Variants in CRABP2 observed in about 807,000 individuals in gnomAD.
The protein encoded by CRABP2 is cellular retinoic acid-binding protein 2.
A neutral mutation model predicts 17.9 loss-of-function variants in CRABP2; 20 were observed. That is an observed-to-expected ratio of 1.12 (90% CI 0.79 to 1.63). The LOEUF (loss-of-function observed/expected upper bound fraction) is 1.63. Among genes scored for constraint, CRABP2 ranks in the 40% most tolerant of loss-of-function variants. The pLI is 0.00. For synonymous variants in CRABP2, 76 were observed against 66.4 expected, an observed-to-expected ratio of 1.14 and a Z score of -0.70; for missense variants, 151 against 168.6, an observed-to-expected ratio of 0.90 and a Z score of 0.58.
chr1:156,702,579 C>T (rs1049971786), intron 1 of CRABP2, among the ~76,000 whole-genome samples: 3 of 151,098 alleles, frequency 2.0e-5, no homozygotes, highest in Admixed American at 1.3e-4. Context: ...TTGAGACCAG[C>T]CTGACCAACG....
rs540497771 is a variant in CRABP2, at chr1:156,701,925, G to A, written c.71-873C>T. On this transcript the variant is annotated intron_variant, in intron 1 of 3. Transcript: ENST00000368222. ...AGGCCAAGGCAGGTGGATTGTTTGA[G>A]CTCAGGAGTTCGATACCAGCCTGGG... is the stretch of plus-strand genomic sequence containing the variant. 1.1e-4 allele frequency among the ~76,000 whole-genome samples: 17 copies of A among 151,698 alleles called. No homozygotes were observed. In the East Asian group the frequency reaches 3.1e-3, roughly 28 times the overall value.
At chr1:156,700,699 G>C in intron 2 of CRABP2, 41 bp from the exon 3 acceptor site, 5 of 1,577,704 alleles carry the variant, frequency 3.2e-6, no homozygotes, top group Non-Finnish European at 4.4e-6. Flanking sequence ...GCCCATAGCA[G>C]GGGCAATGCA....
Position 156,705,284 on chromosome 1 carries a change from C to A in CRABP2, c.70+93G>T, listed in dbSNP as rs565545693. On this transcript the variant is annotated intron_variant, in intron 1 of 3. Transcript: ENST00000368222. This position sits in a 1 kb window ranked among gnomAD's most constrained non-coding sequence, Gnocchi z 5.2. ...GGATGCAGGCACCCAGTGTCTCACG[C>A]CCTGATTGTGGTCCCGCTGTCTTTC... 15 of 1,396,086 alleles carry A rather than the reference C, an allele frequency of 1.1e-5. No homozygotes were observed. Among genetic ancestry groups the A allele is most frequent in the Non-Finnish European group, 1.5e-5 (15 of 983,180 alleles). The allele number at this position is 1,396,086 out of a possible 1,614,324, so 86.5% of individuals were successfully genotyped here. A position where few individuals can be genotyped will look rare whatever the true frequency, so the allele number is the denominator to read the frequency against.
At chr1:156,702,477 A>G (rs2102604850) in intron 1 of CRABP2, among the ~76,000 whole-genome samples, 1 of 151,160 alleles carries the variant, frequency 6.6e-6, no homozygotes, top group Non-Finnish European at 1.5e-5. Flanking sequence ...AAAAACAAAC[A>G]AACAAACAAA....
At chr1:156,702,456 CA>C (rs1458900769) in intron 1 of CRABP2, among the ~76,000 whole-genome samples, 4 of 146,130 alleles carry the variant, frequency 2.7e-5, no homozygotes, top group South Asian at 4.6e-4. Flanking sequence ...GACTCCATCT[CA>C]AAAAAAACAA....
chr1:156,705,283 G>T lies in CRABP2; in HGVS notation c.70+94C>A. The T allele has an allele frequency of 7.3e-7, 1 of 1,377,908 alleles. No homozygotes were observed. The highest frequency in any genetic ancestry group is 1.0e-6 in the Non-Finnish European group (1 of 967,060). The allele number at this position is 1,377,908 out of a possible 1,614,324, so 85.4% of individuals were successfully genotyped here. On this transcript the variant is annotated intron_variant, in intron 1 of 3. Transcript: ENST00000368222. This position sits in a 1 kb window ranked among gnomAD's most constrained non-coding sequence, Gnocchi z 5.2. ...GGGATGCAGGCACCCAGTGTCTCAC[G>T]CCCTGATTGTGGTCCCGCTGTCTTT... is the stretch of plus-strand genomic sequence containing the variant.
At chr1:156,702,724 A>C (rs1290426822) in intron 1 of CRABP2, among the ~76,000 whole-genome samples, 2 of 148,592 alleles carry the variant, frequency 1.3e-5, no homozygotes, top group Non-Finnish European at 3.0e-5. Flanking sequence ...GTGAGCCAAG[A>C]TTGTGCCATT....
At chr1:156,702,684 A>G (rs1648074086) in intron 1 of CRABP2, among the ~76,000 whole-genome samples, 2 of 151,344 alleles carry the variant, frequency 1.3e-5, no homozygotes, top group South Asian at 2.1e-4. Flanking sequence ...AGGCGGGAGA[A>G]TCACTTGAAT....
At position 156,700,876 on chromosome 1, in the gene CRABP2, T is replaced by C. The variant is rs767339663; in HGVS notation, c.247A>G (p.Lys83Glu). 1.9e-6 allele frequency: 3 copies of C among 1,612,904 alleles called. No homozygotes were observed. Among genetic ancestry groups the C allele is most frequent in the Non-Finnish European group, 2.5e-6 (3 of 1,179,130 alleles). Residue 83 changes from lysine (K) to glutamate (E), a missense_variant and splice_region_variant, in exon 2 of 4, where the codon AAG becomes GAG. Lys to Glu is a moderately conservative substitution (Grantham distance 56, BLOSUM62 1). Coordinates refer to ENST00000368222, the MANE Select transcript of CRABP2 (RefSeq NM_001878.4). ...CTGGAGCCCCTTCTGGCACTCACCT[T>C]ACAGGGCCTCCCATCCACAGTCTGC... The part of the protein sequence containing the change: ...EEQTVDGRPC[K>E]SLVKWESENK...
intron 1 of CRABP2, among the ~76,000 whole-genome samples, chr1:156,701,372 T>C (rs1648028569): frequency 1.3e-5 from 2 of 152,064 alleles, no homozygotes; most frequent in Admixed American, 1.3e-4. Flanking sequence ...AGCTCTTCAG[T>C]CCCAGAATGC....
At chr1:156,700,203 C>A in intron 3 of CRABP2, 127 bp from the exon 4 acceptor site, 1 of 913,710 alleles carries the variant, frequency 1.1e-6, no homozygotes. Context: ...TCAAGACCAA[C>A]AGGCAGGAGC....
At chr1:156,703,743 C>T (rs948171798) in intron 1 of CRABP2, among the ~76,000 whole-genome samples, 3 of 152,182 alleles carry the variant, frequency 2.0e-5, no homozygotes, top group Non-Finnish European at 2.9e-5. Context: ...AATGACAGGT[C>T]CCCAAGTCTT....
At position 156,705,179 on chromosome 1, in the gene CRABP2, G is replaced by A. The variant is rs765411950; in HGVS notation, c.70+198C>T. Among the ~76,000 whole-genome samples, 1 of 152,222 alleles carries A rather than the reference G, an allele frequency of 6.6e-6. No homozygotes were observed. The highest frequency in any genetic ancestry group is 1.5e-5 in the Non-Finnish European group (1 of 68,034). On this transcript the variant is annotated intron_variant, in intron 1 of 3. Coordinates refer to ENST00000368222, the MANE Select transcript of CRABP2 (RefSeq NM_001878.4). This position sits in a 1 kb window ranked among gnomAD's most constrained non-coding sequence, Gnocchi z 5.2. ...CGTGAGTCACCGCAGTGTTGGCACCGGTGGGCCCCCGCAGGAGAAAGCGGG... is the reference window on the plus strand; with the variant it reads ...CGTGAGTCACCGCAGTGTTGGCACCAGTGGGCCCCCGCAGGAGAAAGCGGG...
rs762856531 is a variant in CRABP2 at position 156,705,357 on chromosome 1, G to A, written c.70+20C>T. On this transcript the variant is annotated intron_variant, in intron 1 of 3. Coordinates refer to ENST00000368222, the MANE Select transcript of CRABP2 (RefSeq NM_001878.4). The surrounding 1 kb of genome is among the most constrained non-coding windows in gnomAD (Gnocchi z 5.2). The stretch of plus-strand genomic sequence containing the variant: ...CAGAGCCCCCCCTTGCCCCACCTGG[G>A]CCCTCGAACATTTCCTTACCCAGCA... 6.2e-7 allele frequency: 1 copy of A among 1,613,874 alleles called. No individual in the cohort carries two copies. The highest frequency in any genetic ancestry group is 1.1e-5 in the South Asian group (1 of 91,086).
intron 1 of CRABP2, among the ~76,000 whole-genome samples, chr1:156,703,468 G>A (rs753252029): frequency 5.3e-5 from 8 of 152,286 alleles, no homozygotes; most frequent in South Asian, 2.1e-4. Context: ...CTGATCTGCC[G>A]CCCTGTCCTG....
chr1:156,704,771 T>C (rs1480960909), intron 1 of CRABP2, among the ~76,000 whole-genome samples: 1 of 151,218 alleles, frequency 6.6e-6, no homozygotes, highest in Non-Finnish European at 1.5e-5. Context: ...AGCTGCTCGC[T>C]GTATGAAAAT....
In CRABP2 at chr1:156,705,225, G is replaced by A; in HGVS notation, c.70+152C>T. 1 of 830,076 alleles carries A rather than the reference G, an allele frequency of 1.2e-6. No individual in the cohort carries two copies. The highest frequency in any genetic ancestry group is 2.0e-6 in the Non-Finnish European group (1 of 503,782). The allele number at this position is 830,076 out of a possible 1,614,324, so 51.4% of individuals were successfully genotyped here. A position where few individuals can be genotyped will look rare whatever the true frequency, so the allele number is the denominator to read the frequency against. On this transcript the variant is annotated intron_variant, in intron 1 of 3. Transcript: ENST00000368222. The surrounding 1 kb of genome is among the most constrained non-coding windows in gnomAD (Gnocchi z 5.2). ...GCGGGATTTAGGCGTCGTGCCCAGA[G>A]CCCCGGGACCCGGACGCCTGGCACG...
Position 156,705,277 on chromosome 1 carries a change from T to G in CRABP2, c.70+100A>C, listed in dbSNP as rs1648160735. On this transcript the variant is annotated intron_variant, in intron 1 of 3. Transcript: ENST00000368222. The surrounding 1 kb of genome is among the most constrained non-coding windows in gnomAD (Gnocchi z 5.2). ...TTTTCGGGGATGCAGGCACCCAGTG[T>G]CTCACGCCCTGATTGTGGTCCCGCT... 1.5e-6 allele frequency: 2 copies of G among 1,317,390 alleles called. No homozygotes were observed. The highest frequency in any genetic ancestry group is 2.2e-6 in the Non-Finnish European group (2 of 914,652). The allele number at this position is 1,317,390 out of a possible 1,614,324, so 81.6% of individuals were successfully genotyped here. A position where few individuals can be genotyped will look rare whatever the true frequency, so the allele number is the denominator to read the frequency against.
intron 1 of CRABP2, among the ~76,000 whole-genome samples, chr1:156,702,962 C>T (rs1399295756): frequency 3.4e-5 from 5 of 148,694 alleles, no homozygotes; most frequent in Non-Finnish European, 5.9e-5. Flanking sequence ...TTTGGGAGGC[C>T]GAGGCAGCAG....
Sources: allele counts gnomAD v4.1 joint callset (sites outside exome capture counted in the v4.1 genomes callset), GRCh38; gene constraint gnomAD v4.1.1; non-coding constraint Gnocchi (gnomAD v3.1); transcripts MANE v1.5; gene names NCBI Gene and HGNC (gene_info 2026-07-23, HGNC 2026-07-21).